TMEM132C: variants seen among roughly 807,000 people sequenced by gnomAD.
TMEM132C encodes the protein transmembrane protein 132C.
In TMEM132C, 29 loss-of-function variants were observed where a neutral mutation model predicts 61.4. The observed-to-expected ratio is 0.47, with a 90% confidence interval of 0.35 to 0.64. TMEM132C has a LOEUF of 0.64. Among genes scored for constraint, TMEM132C ranks in the 30% least tolerant of loss-of-function variants. The pLI is 0.00. For synonymous variants in TMEM132C, 656 were observed against 633.1 expected (o/e 1.04, Z -0.54); for missense variants, 1,408 against 1,476.9 (o/e 0.95, Z 0.76).
At chr12:128,393,161 G>T (rs1341881317) in intron 1 of TMEM132C, among the ~76,000 whole-genome samples, 1 of 152,168 alleles carries the variant, frequency 6.6e-6, no homozygotes, top group Non-Finnish European at 1.5e-5. Context: ...TCTAGGAAAT[G>T]ACGATCCACA....
At chr12:128,337,795 C>T (rs747960661) in intron 1 of TMEM132C, among the ~76,000 whole-genome samples, 1 of 152,168 alleles carries the variant, frequency 6.6e-6, no homozygotes, top group Non-Finnish European at 1.5e-5. Flanking sequence ...TCTGTCAGAC[C>T]TTTTTATCCT....
chr12:128,309,356 T>G (rs146083685), intron 1 of TMEM132C, among the ~76,000 whole-genome samples: 288 of 152,308 alleles, frequency 1.9e-3, no homozygotes, highest in African/African-American at 6.7e-3. Context: ...GCACCAACAC[T>G]TGCATTTTTA....
At chr12:128,436,934 G>T (rs1253679051) in intron 2 of TMEM132C, among the ~76,000 whole-genome samples, 1 of 152,126 alleles carries the variant, frequency 6.6e-6, no homozygotes, top group African/African-American at 2.4e-5. Flanking sequence ...AAGAAAATGT[G>T]GCACATATAC....
chr12:128,417,686 G>T (rs1868827534), intron 2 of TMEM132C, among the ~76,000 whole-genome samples: 1 of 152,114 alleles, frequency 6.6e-6, no homozygotes, highest in Admixed American at 6.5e-5. Context: ...TATTTGCAGG[G>T]TGCTCATAAC....
intron 1 of TMEM132C, among the ~76,000 whole-genome samples, chr12:128,325,287 A>G (rs1872469172): frequency 6.6e-6 from 1 of 152,226 alleles, no homozygotes; most frequent in Admixed American, 6.5e-5. Context: ...GGAAGTTTCA[A>G]ACAAGGAAAA....
chr12:128,573,155 A>T (rs1014769279), intron 3 of TMEM132C, among the ~76,000 whole-genome samples: 1 of 152,240 alleles, frequency 6.6e-6, no homozygotes, highest in Non-Finnish European at 1.5e-5. Flanking sequence ...ATGCACATAT[A>T]TGTTTATTGT....
At chr12:128,689,587 A>G (rs1003259436) in intron 5 of TMEM132C, among the ~76,000 whole-genome samples, 1 of 152,106 alleles carries the variant, frequency 6.6e-6, no homozygotes, top group African/African-American at 2.4e-5. Context: ...CCATACTAGG[A>G]GCTTGATTTT....
chr12:128,499,068 G>A (rs967695585), intron 2 of TMEM132C, among the ~76,000 whole-genome samples: 2 of 152,166 alleles, frequency 1.3e-5, no homozygotes, highest in African/African-American at 2.4e-5. Context: ...ACCCAGAATA[G>A]CCAAAATCAT....
rs1038280362 is a variant in TMEM132C at position 128,570,916 on chromosome 12, A to C, written c.1121+26813A>C. Among the ~76,000 whole-genome samples the C allele has an allele frequency of 6.6e-6, 1 of 152,140 alleles. No homozygotes were observed. Among genetic ancestry groups the C allele is most frequent in the Non-Finnish European group, 1.5e-5 (1 of 68,022 alleles). ...CTCCTAGCAATAAGGAAGTCTGGGG[A>C]AGTTACTATTTTCACTTTGGCACGT... On this transcript the variant is annotated intron_variant, in intron 3 of 8. Coordinates refer to ENST00000435159, the MANE Select transcript of TMEM132C (RefSeq NM_001136103.3). This position sits in a 1 kb window ranked among gnomAD's most constrained non-coding sequence, Gnocchi z 4.7.
chr12:128,629,545 C>G (rs1297500907), intron 4 of TMEM132C, among the ~76,000 whole-genome samples: 1 of 152,058 alleles, frequency 6.6e-6, no homozygotes, highest in Non-Finnish European at 1.5e-5. Context: ...AAACAAAGAG[C>G]AGAATGGTGG....
intron 4 of TMEM132C, among the ~76,000 whole-genome samples, chr12:128,631,724 C>T (rs1414969845): frequency 4.6e-5 from 7 of 152,172 alleles, no homozygotes; most frequent in Non-Finnish European, 8.8e-5. Context: ...CCATTTGTCT[C>T]TTTGTCTCAG....
chr12:128,318,995 A>G (rs1050550683), intron 1 of TMEM132C, among the ~76,000 whole-genome samples: 2 of 152,188 alleles, frequency 1.3e-5, no homozygotes, highest in African/African-American at 4.8e-5. Context: ...CTCCATCTCC[A>G]TCATGACAGT....
chr12:128,466,863 AG>A (rs1254055462), intron 2 of TMEM132C, among the ~76,000 whole-genome samples: 1 of 152,142 alleles, frequency 6.6e-6, no homozygotes, highest in African/African-American at 2.4e-5. Flanking sequence ...TTGGACATTC[AG>A]GTTTGGAGCC....
At chr12:128,603,882 A>C (rs1310719106) in intron 3 of TMEM132C, among the ~76,000 whole-genome samples, 3 of 152,198 alleles carry the variant, frequency 2.0e-5, no homozygotes, top group Admixed American at 2.0e-4. Flanking sequence ...AAAGACTTCT[A>C]TGTCCTTAAG....
At chr12:128,506,503 G>C (rs1430370548) in intron 2 of TMEM132C, among the ~76,000 whole-genome samples, 1 of 152,150 alleles carries the variant, frequency 6.6e-6, no homozygotes. Context: ...ACATAGGAGG[G>C]GGCTCTGGTG....
chr12:128,419,290 G>A (rs1683727), intron 2 of TMEM132C, among the ~76,000 whole-genome samples: 70,911 of 151,944 alleles, frequency 0.47, 17,092 homozygotes, highest in South Asian at 0.74. Flanking sequence ...AGAGAGCTTA[G>A]CCTCAAGCCA....
At chr12:128,596,954 A>G (rs1593113923) in intron 3 of TMEM132C, among the ~76,000 whole-genome samples, 1 of 152,178 alleles carries the variant, frequency 6.6e-6, no homozygotes, top group South Asian at 2.1e-4. Context: ...GTTTTCTGTT[A>G]AGGATGCTTT....
chr12:128,676,468 C>T (rs755865387), intron 5 of TMEM132C, among the ~76,000 whole-genome samples: 1 of 152,074 alleles, frequency 6.6e-6, no homozygotes, highest in East Asian at 1.9e-4. Context: ...AATTTGTCTA[C>T]AATAATAATT....
rs560423952 is a variant in TMEM132C at position 128,388,747 on chromosome 12, G to A, written c.86-25985G>A. Reference sequence around the variant, plus strand: ...GGGCCGTGTGCTCTGTGCAGCTGACGCCGGCTGGCTTCACTCCTTCCCTCC... The same window carrying A: ...GGGCCGTGTGCTCTGTGCAGCTGACACCGGCTGGCTTCACTCCTTCCCTCC... On this transcript the variant is annotated intron_variant, in intron 1 of 8. Coordinates refer to ENST00000435159, the MANE Select transcript of TMEM132C (RefSeq NM_001136103.3). Among the ~76,000 whole-genome samples the A allele has an allele frequency of 9.3e-4, 141 of 152,340 alleles. 1 individual carries two copies. Among genetic ancestry groups the A allele is most frequent in the Middle Eastern group, 3.4e-3 (1 of 294 alleles).
Sources: allele counts gnomAD v4.1 joint callset (sites outside exome capture counted in the v4.1 genomes callset), GRCh38; gene constraint gnomAD v4.1.1; non-coding constraint Gnocchi (gnomAD v3.1); transcripts MANE v1.5; gene names NCBI Gene and HGNC (gene_info 2026-07-23, HGNC 2026-07-21).